The following PRRX2 variants were observed in gnomAD, a reference collection of about 807,000 sequenced individuals.
PRRX2 encodes paired mesoderm homeobox protein 2.
PRRX2 carries 11 observed loss-of-function variants against 18.0 expected under a neutral mutation model. The ratio of observed to expected loss-of-function variants is 0.61; its 90% CI spans 0.39 to 1.01. The LOEUF (loss-of-function observed/expected upper bound fraction) is 1.01, where lower values mean the gene tolerates loss of function less well. PRRX2 is among the 50% of genes least tolerant of loss of function. The pLI, the probability that PRRX2 is intolerant of heterozygous loss-of-function variation, is 0.01. For synonymous variants in PRRX2, 177 were observed against 154.8 expected (o/e 1.14, Z -1.06); for missense variants, 387 against 351.0 (o/e 1.10, Z -0.82).
At chr9:129,673,971 CA>C (rs1411716361) in intron 1 of PRRX2, among the ~76,000 whole-genome samples, 2 of 152,202 alleles carry the variant, frequency 1.3e-5, no homozygotes, top group East Asian at 1.9e-4. Flanking sequence ...TGACGTGGGG[CA>C]GGGGGGCAGG....
intron 3 of PRRX2, among the ~76,000 whole-genome samples, chr9:129,721,360 G>T (rs1280958239): frequency 1.3e-5 from 2 of 152,142 alleles, no homozygotes; most frequent in African/African-American, 4.8e-5. Context: ...CTCTGACATG[G>T]TCGGCAGGAG....
rs375257955 is a variant in PRRX2, at chr9:129,681,345, C to T, written c.259+15219C>T. On this transcript the variant is annotated intron_variant, in intron 1 of 3. Coordinates refer to ENST00000372469, the MANE Select transcript of PRRX2 (RefSeq NM_016307.4). ...GACCAGCCTGGCCAACATGGCAAAA[C>T]CCCGTCTCTATTAAAAATACAAAAA... 6.3e-4 allele frequency among the ~76,000 whole-genome samples: 96 copies of T among 152,246 alleles called. 1 individual carries two copies. Among genetic ancestry groups the T allele is most frequent in the African/African-American group, 2.2e-3 (93 of 41,536 alleles).
intron 1 of PRRX2, among the ~76,000 whole-genome samples, chr9:129,687,314 G>A (rs1014381557): frequency 1.9e-4 from 29 of 152,208 alleles, no homozygotes; most frequent in African/African-American, 6.5e-4. Flanking sequence ...CTCGAGGCCT[G>A]GCAGGGGTGT....
At chr9:129,681,851 C>T (rs1480523585) in intron 1 of PRRX2, among the ~76,000 whole-genome samples, 1 of 152,188 alleles carries the variant, frequency 6.6e-6, no homozygotes, top group African/African-American at 2.4e-5. Flanking sequence ...GCTTGGAGCC[C>T]GCTGCGGAAG....
intron 1 of PRRX2, among the ~76,000 whole-genome samples, chr9:129,699,307 C>T (rs887236896): frequency 3.3e-5 from 5 of 152,018 alleles, no homozygotes; most frequent in Non-Finnish European, 5.9e-5. Flanking sequence ...ACCTGTAATC[C>T]CAGTTGCTTG....
chr9:129,666,013 T>G lies in PRRX2; in HGVS notation c.146T>G (p.Val49Gly). Residue 49 changes from valine (V) to glycine (G), a missense_variant, in exon 1 of 4, where the codon GTG becomes GGG. Transcript: ENST00000372469. ...AGCCACCTCCTGGACCTGGAAGAGGTGGCGGCGGCCGGGCGGCTGGCGGCG... is the reference window on the plus strand; with the variant it reads ...AGCCACCTCCTGGACCTGGAAGAGGGGGCGGCGGCCGGGCGGCTGGCGGCG... Reference protein sequence around the residue: ...SVSHLLDLEEVAAAGRLAARP... With the variant: ...SVSHLLDLEEGAAAGRLAARP... 9.4e-7 allele frequency: 1 copy of G among 1,060,038 alleles called. No individual in the cohort carries two copies. The highest frequency in any genetic ancestry group is 1.1e-6 in the Non-Finnish European group (1 of 882,512). 65.7% of individuals were successfully genotyped at this position (1,060,038 alleles called of 1,614,324 possible).
chr9:129,677,729 C>T (rs575078403), intron 1 of PRRX2, among the ~76,000 whole-genome samples: 3 of 152,364 alleles, frequency 2.0e-5, no homozygotes, highest in African/African-American at 7.2e-5. Flanking sequence ...CCAGCCTCTC[C>T]CGCAGAGCGG....
chr9:129,712,117 C>T (rs557834053), intron 1 of PRRX2, among the ~76,000 whole-genome samples: 2 of 152,304 alleles, frequency 1.3e-5, no homozygotes, highest in South Asian at 4.1e-4. Flanking sequence ...TGAGAAGGCC[C>T]AGTGTTAATT....
At position 129,709,829 on chromosome 9, in the gene PRRX2, G is replaced by A. The variant is rs1355374219; in HGVS notation, c.260-9402G>A. On this transcript the variant is annotated intron_variant, in intron 1 of 3. Transcript: ENST00000372469. The surrounding 1 kb of genome is among the most constrained non-coding windows in gnomAD (Gnocchi z 4.2). ...CTCACCAGGCCTCCATGGCTCCAGG[G>A]GAGGAACCTAGACCCCTGCACAGGA... is the stretch of plus-strand genomic sequence containing the variant. Among the ~76,000 whole-genome samples the A allele has an allele frequency of 2.0e-5, 3 of 152,180 alleles. No individual in the cohort carries two copies. The highest frequency in any genetic ancestry group is 7.2e-5 in the African/African-American group (3 of 41,512).
chr9:129,684,457 CACCCAA>C, intron 1 of PRRX2, among the ~76,000 whole-genome samples: 1 of 140,876 alleles, frequency 7.1e-6, no homozygotes, highest in African/African-American at 2.7e-5. Context: ...CACACACACA[CACCCAA>C]CAGAAAAGAT....
chr9:129,699,430 AATAT>A (rs913461328), intron 1 of PRRX2, among the ~76,000 whole-genome samples: 1 of 143,874 alleles, frequency 7.0e-6, no homozygotes, highest in African/African-American at 2.7e-5. Flanking sequence ...TCTCAAAAAA[AATAT>A]ATATATGTGT....
rs796394054 is a variant in PRRX2 at position 129,691,469 on chromosome 9, T to C, written c.259+25343T>C. Among the ~76,000 whole-genome samples the C allele has an allele frequency of 1.9e-4, 29 of 152,302 alleles. 1 individual carries two copies. The highest frequency in any genetic ancestry group is 7.0e-4 in the African/African-American group (29 of 41,574). ...GCTTGAGGTTATTTGCACTGTGGTA[T>C]CTGGATGGTAGGAATACCACACACT... On this transcript the variant is annotated intron_variant, in intron 1 of 3. Transcript: ENST00000372469.
chr9:129,688,990 G>A (rs1437415293), intron 1 of PRRX2, among the ~76,000 whole-genome samples: 1 of 152,226 alleles, frequency 6.6e-6, no homozygotes, highest in Admixed American at 6.5e-5. Flanking sequence ...TTCAGGTTGG[G>A]TCTCACAGAA....
chr9:129,721,653 C>T (rs1401578751), intron 3 of PRRX2, among the ~76,000 whole-genome samples: 1 of 152,122 alleles, frequency 6.6e-6, no homozygotes, highest in Non-Finnish European at 1.5e-5. Flanking sequence ...AATCTCGGCT[C>T]ACTGCAACCT....
At chr9:129,702,613 G>A (rs542045004) in intron 1 of PRRX2, among the ~76,000 whole-genome samples, 75 of 152,184 alleles carry the variant, frequency 4.9e-4, no homozygotes, top group Non-Finnish European at 1.0e-3. Context: ...CACGTTGGAC[G>A]GTACAGAGCT....
At chr9:129,713,613 C>T (rs1041330209) in intron 1 of PRRX2, among the ~76,000 whole-genome samples, 2 of 151,738 alleles carry the variant, frequency 1.3e-5, no homozygotes, top group Admixed American at 6.6e-5. Context: ...CAGCAGACAT[C>T]GATTTCTTCC....
chr9:129,703,288 G>A (rs925111655), intron 1 of PRRX2, among the ~76,000 whole-genome samples: 1 of 152,228 alleles, frequency 6.6e-6, no homozygotes, highest in African/African-American at 2.4e-5. Context: ...GCAGGAGTCT[G>A]AACGGTCTCT....
intron 1 of PRRX2, among the ~76,000 whole-genome samples, chr9:129,716,860 T>C (rs927618105): frequency 2.0e-5 from 3 of 152,140 alleles, no homozygotes; most frequent in Non-Finnish European, 4.4e-5. Flanking sequence ...ACTCTTAAAA[T>C]GGTTCCTGAA....
chr9:129,665,942 G>A lies in PRRX2; in HGVS notation c.75G>A (p.Ala25=). The A allele has an allele frequency of 8.8e-7, 1 of 1,130,380 alleles. No homozygotes were observed. The highest frequency in any genetic ancestry group is 1.1e-6 in the Non-Finnish European group (1 of 919,378). The allele number at this position is 1,130,380 out of a possible 1,614,324, so 70.0% of individuals were successfully genotyped here. Residue 25 remains alanine, a synonymous_variant, in exon 1 of 4, where the codon GCG becomes GCA. Transcript: ENST00000372469. This position sits in a 1 kb window ranked among gnomAD's most constrained non-coding sequence, Gnocchi z 5.3. ...LGPGPPPPPP[A]LGPGDCAQAR... is the part of the protein sequence containing the mutation. Reference sequence around the variant, plus strand: ...CGGGGCCGCCGCCGCCTCCACCCGCGCTGGGGCCCGGCGACTGCGCCCAGG... The same window carrying A: ...CGGGGCCGCCGCCGCCTCCACCCGCACTGGGGCCCGGCGACTGCGCCCAGG...
Sources: allele counts gnomAD v4.1 joint callset (sites outside exome capture counted in the v4.1 genomes callset), GRCh38; gene constraint gnomAD v4.1.1; non-coding constraint Gnocchi (gnomAD v3.1); transcripts MANE v1.5; gene names NCBI Gene and HGNC (gene_info 2026-07-23, HGNC 2026-07-21).